Variants in ANXA11 observed in about 807,000 individuals in gnomAD.
ANXA11 encodes 56 kDa autoantigen.
ANXA11 carries 57 observed loss-of-function variants against 64.7 expected under a neutral mutation model. That is an observed-to-expected ratio of 0.88 (90% confidence interval 0.71 to 1.10). The LOEUF is 1.10. Among genes scored for constraint, ANXA11 ranks in the 50% least tolerant of loss-of-function variants. ANXA11 has a pLI of 0.00. For synonymous variants in ANXA11, 260 were observed against 265.2 expected (o/e 0.98, Z 0.19); for missense variants, 675 against 670.7 (o/e 1.01, Z -0.07).
At chr10:80,156,772 G>A (rs1845292679) in intron 15 of ANXA11, among the ~76,000 whole-genome samples, 1 of 152,160 alleles carries the variant, frequency 6.6e-6, no homozygotes, top group Admixed American at 6.5e-5. Flanking sequence ...CCAAAGTGCT[G>A]GGATTACAGG....
At chr10:80,199,416 G>C (rs1329306671) in intron 1 of ANXA11, among the ~76,000 whole-genome samples, 1 of 152,026 alleles carries the variant, frequency 6.6e-6, no homozygotes, top group Non-Finnish European at 1.5e-5. Flanking sequence ...TTTTTTAAGT[G>C]AGAAAGAAAT....
In ANXA11 at chr10:80,157,676, G is replaced by A. The variant is rs368132715; in HGVS notation, c.1423C>T (p.Arg475Trp). 218 of 1,613,880 alleles carry A rather than the reference G, an allele frequency of 1.4e-4. No individual in the cohort carries two copies. Among genetic ancestry groups the A allele is most frequent in the Non-Finnish European group, 1.6e-4 (190 of 1,179,938 alleles). Residue 475 changes from arginine (R) to tryptophan (W), a missense_variant, in exon 15 of 16, where the codon CGG (arginine) becomes TGG (tryptophan). Coordinates refer to ENST00000422982, the MANE Select transcript of ANXA11 (RefSeq NM_145868.2). Reference protein sequence around the residue: ...DLLDIRSEYKRMYGKSLYHDI... With the variant: ...DLLDIRSEYKWMYGKSLYHDI... ...TGGTACAGCGACTTGCCGTACATCCGCTTATACTCTGATCTGATGTCCAGG... is the reference window on the plus strand; with the variant it reads ...TGGTACAGCGACTTGCCGTACATCCACTTATACTCTGATCTGATGTCCAGG...
intron 12 of ANXA11, among the ~76,000 whole-genome samples, chr10:80,160,386 C>T (rs1246717389): frequency 6.6e-6 from 1 of 152,204 alleles, no homozygotes; most frequent in East Asian, 1.9e-4. Flanking sequence ...TAGCTGTGCA[C>T]CCCTACTTCC....
intron 2 of ANXA11, among the ~76,000 whole-genome samples, chr10:80,173,619 G>A (rs1846061123): frequency 6.6e-6 from 1 of 152,214 alleles, no homozygotes; most frequent in African/African-American, 2.4e-5. Context: ...CCTTGGCAAT[G>A]TCCCCTGCCA....
Position 80,151,112 on chromosome 10 carries a change from T to C in ANXA11, c.*4741A>G, listed in dbSNP as rs1401755109. The C allele has an allele frequency of 2.0e-5, 3 of 152,264 alleles. No homozygotes were observed. Among genetic ancestry groups the C allele is most frequent in the East Asian group, 1.9e-4 (1 of 5,174 alleles). The allele number at this position is 152,264 out of a possible 1,614,324, so 9.4% of individuals were successfully genotyped here. ...TTTAAAAAGTCAAAAAGACAGGAAG[T>C]GACATATCCAGGGTCACACAACAAA... On this transcript the variant is annotated 3_prime_UTR_variant, in exon 16 of 16. Coordinates refer to ENST00000422982, the MANE Select transcript of ANXA11 (RefSeq NM_145868.2).
Position 80,166,229 on chromosome 10 carries a change from A to C in ANXA11, c.745-32T>G, listed in dbSNP as rs114147544. 1.2e-3 allele frequency: 1,558 copies of C among 1,301,600 alleles called. 16 individuals are homozygous for C. The African/African-American group carries it at 0.019, about 16-fold the overall frequency. The allele number at this position is 1,301,600 out of a possible 1,614,324, so 80.6% of individuals were successfully genotyped here. A position where few individuals can be genotyped will look rare whatever the true frequency, so the allele number is the denominator to read the frequency against. On this transcript the variant is annotated intron_variant, in intron 7 of 15. Transcript: ENST00000422982. ...GGATATTCAAACAAACAACCAACAA[A>C]AAAAAAAACAAGTCTATTTAAAAAA...
At chr10:80,189,760 C>T (rs1376550589) in intron 1 of ANXA11, among the ~76,000 whole-genome samples, 2 of 152,188 alleles carry the variant, frequency 1.3e-5, no homozygotes, top group African/African-American at 4.8e-5. Flanking sequence ...TTGGGATACT[C>T]AACCTATATA....
intron 1 of ANXA11, among the ~76,000 whole-genome samples, chr10:80,201,296 G>C (rs1023251650): frequency 2.6e-5 from 4 of 151,994 alleles, no homozygotes; most frequent in South Asian, 4.2e-4. Flanking sequence ...TGGCTTTCTG[G>C]GCCCCTCTCA....
At chr10:80,202,305 C>T (rs957864708) in intron 1 of ANXA11, among the ~76,000 whole-genome samples, 4 of 152,134 alleles carry the variant, frequency 2.6e-5, no homozygotes, top group African/African-American at 9.7e-5. Flanking sequence ...TCCTTCCTCA[C>T]ATCAGCATGG....
At chr10:80,158,856 T>A (rs1285772737) in intron 13 of ANXA11, among the ~76,000 whole-genome samples, 1 of 151,982 alleles carries the variant, frequency 6.6e-6, no homozygotes, top group Non-Finnish European at 1.5e-5. Context: ...CACACTGCAG[T>A]TCCCTACTCC....
intron 12 of ANXA11, among the ~76,000 whole-genome samples, chr10:80,161,340 G>C (rs947628430): frequency 6.6e-6 from 1 of 152,206 alleles, no homozygotes; most frequent in Non-Finnish European, 1.5e-5. Flanking sequence ...GTGGGGACTG[G>C]CCCAAGCACC....
At chr10:80,171,519 GGCTTTCAC>G (rs2132422490) in intron 3 of ANXA11, 1 of 724,542 alleles carries the variant, frequency 1.4e-6, no homozygotes, top group South Asian at 6.1e-5. Context: ...CCTGGGGCAA[GGCTTTCAC>G]CCTCCTTAGG....
intron 12 of ANXA11, among the ~76,000 whole-genome samples, chr10:80,159,475 G>A (rs536292340): frequency 2.0e-5 from 3 of 152,312 alleles, no homozygotes; most frequent in Admixed American, 1.3e-4. Flanking sequence ...AAGAGGCCAC[G>A]GGAGAAACCG....
chr10:80,167,314 C>G lies in ANXA11; in HGVS notation c.562-1G>C. 1 of 1,614,058 alleles carries G rather than the reference C, an allele frequency of 6.2e-7. No individual in the cohort carries two copies. Among genetic ancestry groups the G allele is most frequent in the Non-Finnish European group, 8.5e-7 (1 of 1,179,938 alleles). ...CAGTGATGGTGCCTCGGCTTCCAAA[C>G]TACTCGGACAAACAGTCTCAGGTAA... On this transcript the variant is annotated splice_acceptor_variant, in intron 5 of 15. Transcript: ENST00000422982. LOFTEE classifies it high-confidence loss of function.
intron 8 of ANXA11, 76 bp downstream of exon 8, chr10:80,166,008 G>T: frequency 2.1e-6 from 2 of 933,000 alleles, no homozygotes; most frequent in Non-Finnish European, 3.3e-6. Context: ...TGGGCTGTGT[G>T]TCCACACGCA....
At position 80,169,293 on chromosome 10, in the gene ANXA11, C is replaced by A. The variant is rs1232336386; in HGVS notation, c.237G>T (p.Gly79=). The A allele has an allele frequency of 6.2e-7, 1 of 1,610,832 alleles. No individual in the cohort carries two copies. Among genetic ancestry groups the A allele is most frequent in the Non-Finnish European group, 8.5e-7 (1 of 1,179,738 alleles). Residue 79 remains glycine (G), a synonymous_variant, in exon 5 of 16, where the codon GGG becomes GGT. Coordinates refer to ENST00000422982, the MANE Select transcript of ANXA11 (RefSeq NM_145868.2). ...NMPNLYPGAP[G]AGYPPVPPGG... is the part of the protein sequence containing the mutation. ...CAGGGGGCACTGGTGGGTAGCCAGCCCCAGGGGCCCCAGGGTACAGGTTGG... is the reference window on the plus strand; with the variant it reads ...CAGGGGGCACTGGTGGGTAGCCAGCACCAGGGGCCCCAGGGTACAGGTTGG...
chr10:80,186,034 A>C, intron 1 of ANXA11, among the ~76,000 whole-genome samples: 1 of 152,214 alleles, frequency 6.6e-6, no homozygotes, highest in East Asian at 1.9e-4. Flanking sequence ...AGAAGAACAC[A>C]GACTCTGAAG....
chr10:80,196,759 G>T (rs988308692), intron 1 of ANXA11, among the ~76,000 whole-genome samples: 3 of 152,146 alleles, frequency 2.0e-5, no homozygotes, highest in Non-Finnish European at 4.4e-5. Flanking sequence ...GCCTACACAG[G>T]TGCTGTTAAG....
In ANXA11 at chr10:80,159,144, C is replaced by T. The variant is rs746042070; in HGVS notation, c.1232G>A (p.Cys411Tyr). The T allele has an allele frequency of 2.5e-6, 4 of 1,614,076 alleles. No homozygotes were observed. In the African/African-American group the frequency reaches 5.3e-5, roughly 22 times the overall value. ...CTCCAGGTCCCCGGACATCTCCCGG[C>T]AGATGCTCTTCTCAATGTCCCGGCC... Reference protein sequence around the residue: ...MTGRDIEKSICREMSGDLEEG... With the variant: ...MTGRDIEKSIYREMSGDLEEG... The change falls in exon 13 of 16, where the codon TGC becomes TAC. Residue 411 changes from cysteine to tyrosine, a missense_variant. By Grantham distance (194) the Cys-to-Tyr change is radical. Transcript: ENST00000422982.
Sources: allele counts gnomAD v4.1 joint callset (sites outside exome capture counted in the v4.1 genomes callset), GRCh38; gene constraint gnomAD v4.1.1; transcripts MANE v1.5; gene names NCBI Gene and HGNC (gene_info 2026-07-23, HGNC 2026-07-21).